SH3RF2: variants seen among roughly 807,000 people sequenced by gnomAD.
The protein encoded by SH3RF2 is SH3 domain containing ring finger 2.
A neutral mutation model predicts 59.0 loss-of-function variants in SH3RF2; 43 were observed. The observed-to-expected ratio is 0.73, with a 90% CI of 0.57 to 0.94. The LOEUF is 0.94. Ranked by LOEUF, SH3RF2 falls within the 40% of genes least tolerant of loss-of-function variation. SH3RF2 has a pLI of 0.00. For synonymous variants in SH3RF2, 391 were observed against 391.5 expected, an observed-to-expected ratio of 1.00 and a Z score of 0.01; for missense variants, 930 against 940.1, an observed-to-expected ratio of 0.99 and a Z score of 0.14.
Position 146,013,796 on chromosome 5 carries a change from CAT to C in SH3RF2, c.795_796del (p.Ser266ProfsTer21). 5.0e-6 allele frequency: 8 copies of C among 1,614,158 alleles called. No homozygotes were observed. The highest frequency in any genetic ancestry group is 6.8e-6 in the Non-Finnish European group (8 of 1,180,020). On this transcript the variant is annotated frameshift_variant, in exon 5 of 10. Transcript: ENST00000359120. LOFTEE classifies it high-confidence loss of function. The stretch of plus-strand genomic sequence containing the variant: ...TTAGAGAAGAACAAAGGTCGCCAGT[CAT>C]CCCGCACAAAAAACCTGTCCCTGGT...
downstream of SH3RF2, among the ~76,000 whole-genome samples, chr5:146,064,794 AGGAAGG>A (rs1763046311): frequency 8.2e-5 from 3 of 36,632 alleles, no homozygotes; most frequent in African/African-American, 2.9e-4. Flanking sequence ...GAAGGAAGGA[AGGAAGG>A]AAGGAAGGAA....
intron 8 of SH3RF2, among the ~76,000 whole-genome samples, chr5:146,057,533 A>T (rs1230801417): frequency 6.6e-6 from 1 of 152,262 alleles, no homozygotes; most frequent in African/African-American, 2.4e-5. Flanking sequence ...CTGGCACATA[A>T]TAATCTGTCA....
At chr5:146,037,219 A>G (rs1228393014) in intron 5 of SH3RF2, among the ~76,000 whole-genome samples, 1 of 152,214 alleles carries the variant, frequency 6.6e-6, no homozygotes, top group Non-Finnish European at 1.5e-5. Flanking sequence ...TGAGGTAGCC[A>G]CTATTCTTGC....
intron 5 of SH3RF2, among the ~76,000 whole-genome samples, chr5:146,024,400 C>T (rs1761453116): frequency 6.6e-6 from 1 of 152,090 alleles, no homozygotes; most frequent in Non-Finnish European, 1.5e-5. Flanking sequence ...ATATCCTTTG[C>T]CCATTTTATC....
intron 7 of SH3RF2, chr5:146,049,923 C>A (rs1309205419): frequency 1.3e-5 from 2 of 152,940 alleles, no homozygotes; most frequent in African/African-American, 4.8e-5. Flanking sequence ...CCTGCCTCCA[C>A]CCCCGATCAG....
At chr5:146,040,705 A>G (rs1471188874) in intron 5 of SH3RF2, among the ~76,000 whole-genome samples, 2 of 152,170 alleles carry the variant, frequency 1.3e-5, no homozygotes, top group African/African-American at 4.8e-5. Context: ...TGAGTTCTCT[A>G]TCTCAGACAG....
intron 4 of SH3RF2, among the ~76,000 whole-genome samples, chr5:146,010,482 T>C (rs1760836021): frequency 6.6e-6 from 1 of 152,376 alleles, no homozygotes; most frequent in South Asian, 2.1e-4. Flanking sequence ...TGAACTAGTT[T>C]ACAGTCCCAA....
At chr5:146,063,907 T>C (rs6884168), downstream of SH3RF2, among the ~76,000 whole-genome samples, 6,704 of 152,016 alleles carry the variant, frequency 0.044, 470 homozygotes, top group African/African-American at 0.15. Flanking sequence ...AAAAAACAAC[T>C]TTATATGGGG....
At chr5:146,078,786 T>G (rs977781602) in exon 10 of SH3RF2, 18 of 152,236 alleles carry the variant, frequency 1.2e-4, no homozygotes, top group Non-Finnish European at 1.6e-4. Context: ...AAACTTTATC[T>G]TGCTAATTTC....
At chr5:145,965,280 C>T (rs1758815774) in intron 2 of SH3RF2, among the ~76,000 whole-genome samples, 1 of 151,964 alleles carries the variant, frequency 6.6e-6, no homozygotes, top group Non-Finnish European at 1.5e-5. Context: ...CCAGAAATGG[C>T]ACGGCCTGTT....
chr5:145,950,521 G>C (rs1047319637), intron 2 of SH3RF2, among the ~76,000 whole-genome samples: 3 of 152,044 alleles, frequency 2.0e-5, no homozygotes, highest in Admixed American at 2.0e-4. Context: ...AATCAGTGTA[G>C]GTAAATAGAG....
intron 2 of SH3RF2, among the ~76,000 whole-genome samples, chr5:145,952,541 T>A (rs4143868): frequency 6.6e-6 from 1 of 152,160 alleles, no homozygotes; most frequent in South Asian, 2.1e-4. Flanking sequence ...ACCACTAATA[T>A]TCACTGACTA....
At chr5:145,949,981 A>G (rs947246154) in intron 2 of SH3RF2, among the ~76,000 whole-genome samples, 16 of 152,172 alleles carry the variant, frequency 1.1e-4, no homozygotes, top group African/African-American at 3.6e-4. Flanking sequence ...AAGCCTGGAG[A>G]ATCAAGCCAA....
intron 4 of SH3RF2, among the ~76,000 whole-genome samples, chr5:146,010,493 C>G (rs1449687215): frequency 6.6e-6 from 1 of 152,358 alleles, no homozygotes; most frequent in East Asian, 1.9e-4. Context: ...ACAGTCCCAA[C>G]AACAGTGTAA....
At chr5:146,040,410 G>A (rs540974481) in intron 5 of SH3RF2, among the ~76,000 whole-genome samples, 1 of 152,154 alleles carries the variant, frequency 6.6e-6, no homozygotes, top group African/African-American at 2.4e-5. Context: ...TAACAGGTAG[G>A]GGGGTGGCCA....
chr5:146,080,048 C>G (rs1263072943), exon 10 of SH3RF2: 1 of 152,176 alleles, frequency 6.6e-6, no homozygotes, highest in Non-Finnish European at 1.5e-5. Flanking sequence ...TTCGAACCTG[C>G]TTGGCCGATA....
At chr5:145,970,583 C>A (rs1032734709) in intron 2 of SH3RF2, among the ~76,000 whole-genome samples, 4 of 152,152 alleles carry the variant, frequency 2.6e-5, no homozygotes, top group African/African-American at 9.6e-5. Flanking sequence ...TATAAACATG[C>A]ATGTGATGCC....
At chr5:145,967,607 A>G (rs1758906492) in intron 2 of SH3RF2, among the ~76,000 whole-genome samples, 2 of 152,200 alleles carry the variant, frequency 1.3e-5, no homozygotes, top group Non-Finnish European at 2.9e-5. Flanking sequence ...TTTTCTAGCC[A>G]ACAATTAGAA....
chr5:145,944,025 T>A (rs1757918480), intron 2 of SH3RF2, among the ~76,000 whole-genome samples: 1 of 152,214 alleles, frequency 6.6e-6, no homozygotes, highest in Non-Finnish European at 1.5e-5. Flanking sequence ...CATTCTCATC[T>A]GGCCCATTGC....
Sources: allele counts gnomAD v4.1 joint callset (sites outside exome capture counted in the v4.1 genomes callset), GRCh38; gene constraint gnomAD v4.1.1; transcripts MANE v1.5; gene names NCBI Gene and HGNC (gene_info 2026-07-23, HGNC 2026-07-21).